Variants in GMPS observed in about 807,000 individuals in gnomAD.
GMPS encodes the protein guanosine monophosphate synthase.
In GMPS, 15 loss-of-function variants were observed where a neutral mutation model predicts 77.9. The observed-to-expected ratio is 0.19, with a 90% confidence interval of 0.13 to 0.30. The LOEUF is 0.30. GMPS is among the 10% of genes least tolerant of loss of function. The pLI, the probability that GMPS is intolerant of heterozygous loss-of-function variation, is 1.00. For missense variants in GMPS, 590 were observed against 838.8 expected, an observed-to-expected ratio of 0.70 and a Z score of 3.66; for synonymous variants, 224 against 275.9, an observed-to-expected ratio of 0.81 and a Z score of 1.86.
chr3:155,918,661 T>C (rs996562722), intron 9 of GMPS, among the ~76,000 whole-genome samples: 2 of 152,220 alleles, frequency 1.3e-5, no homozygotes, highest in Non-Finnish European at 1.5e-5. Flanking sequence ...TAAGTGTAGG[T>C]TTGTTACATA....
chr3:155,877,142 A>C (rs186314623), intron 1 of GMPS, among the ~76,000 whole-genome samples: 7 of 152,304 alleles, frequency 4.6e-5, no homozygotes, highest in Admixed American at 3.3e-4. Context: ...CAGATTTCTA[A>C]AATTCTGCTT....
Position 155,903,967 on chromosome 3 carries a change from C to G in GMPS, c.422+7C>G. 1 of 1,089,994 alleles carries G rather than the reference C, an allele frequency of 9.2e-7. No individual in the cohort carries two copies. Among genetic ancestry groups the G allele is most frequent in the Non-Finnish European group, 1.3e-6 (1 of 746,728 alleles). The allele number at this position is 1,089,994 out of a possible 1,614,324, so 67.5% of individuals were successfully genotyped here. ...ATACATGTTCATTATTCAGGTATTA[C>G]ATTTTTAGATGAATAAGAACAATAG... On this transcript the variant is annotated splice_region_variant and intron_variant, in intron 4 of 15. Transcript: ENST00000496455.
Position 155,927,840 on chromosome 3 carries a change from GT to G in GMPS, c.1560+2475del, listed in dbSNP as rs371991205. 4.4e-3 allele frequency among the ~76,000 whole-genome samples: 666 copies of G among 152,076 alleles called. 3 individuals carry two copies. Among genetic ancestry groups the G allele is most frequent in the Admixed American group, 8.3e-3 (127 of 15,274 alleles). Reference sequence around the variant, plus strand: ...CTGAACATCATGAACTTACCTTTCTGTGCCTTTCCAAGTAGATGGTTCTTAA... The same window carrying G: ...CTGAACATCATGAACTTACCTTTCTGGCCTTTCCAAGTAGATGGTTCTTAA... On this transcript the variant is annotated intron_variant, in intron 12 of 15. Coordinates refer to ENST00000496455, the MANE Select transcript of GMPS (RefSeq NM_003875.3).
chr3:155,939,902 A>G lies in GMPS; in HGVS notation c.*2210A>G, dbSNP rs1191131611. On this transcript the variant is annotated 3_prime_UTR_variant, in exon 16 of 16. Coordinates refer to ENST00000496455, the MANE Select transcript of GMPS (RefSeq NM_003875.3). Reference sequence around the variant, plus strand: ...GTTAAAGGTTGCACTTCCATTTTACAGTTAAGAAAACAAGCTCACCTTAGG... The same window carrying G: ...GTTAAAGGTTGCACTTCCATTTTACGGTTAAGAAAACAAGCTCACCTTAGG... 1 of 202,128 alleles carries G rather than the reference A, an allele frequency of 4.9e-6. No individual in the cohort carries two copies. The highest frequency in any genetic ancestry group is 7.6e-5 in the East Asian group (1 of 13,106). 12.5% of individuals were successfully genotyped at this position (202,128 alleles called of 1,614,324 possible). A position where few individuals can be genotyped will look rare whatever the true frequency, so the allele number is the denominator to read the frequency against.
intron 8 of GMPS, among the ~76,000 whole-genome samples, chr3:155,915,243 T>G (rs1755145389): frequency 6.6e-6 from 1 of 151,424 alleles, no homozygotes; most frequent in African/African-American, 2.4e-5. Context: ...TTTTTGTTTT[T>G]TTTTTTTTTT....
At chr3:155,893,132 C>G (rs917581446) in intron 1 of GMPS, among the ~76,000 whole-genome samples, 1 of 152,168 alleles carries the variant, frequency 6.6e-6, no homozygotes, top group Non-Finnish European at 1.5e-5. Flanking sequence ...ATTGTCCAAA[C>G]TGGGACACTT....
chr3:155,918,780 T>C (rs571152756), intron 9 of GMPS, among the ~76,000 whole-genome samples: 1 of 152,326 alleles, frequency 6.6e-6, no homozygotes, highest in African/African-American at 2.4e-5. Context: ...TTTATTTTTT[T>C]ATTATTGAGT....
intron 9 of GMPS, 133 bp downstream of exon 9, chr3:155,916,325 T>C (rs1755178519): frequency 1.5e-6 from 1 of 651,428 alleles, no homozygotes; most frequent in Non-Finnish European, 2.6e-6. Flanking sequence ...TTCCTTACCC[T>C]AAAAAGGAAC....
chr3:155,871,123 G>A (rs569659156), intron 1 of GMPS, among the ~76,000 whole-genome samples: 3 of 152,122 alleles, frequency 2.0e-5, no homozygotes, highest in South Asian at 4.1e-4. Flanking sequence ...AGGTCCGGGC[G>A]TCGGGGAGGG....
At chr3:155,896,961 G>T (rs891112368) in intron 2 of GMPS, among the ~76,000 whole-genome samples, 11 of 152,066 alleles carry the variant, frequency 7.2e-5, no homozygotes, top group African/African-American at 2.7e-4. Flanking sequence ...GAGTTAGAGA[G>T]TACCTTAAAT....
Position 155,941,992 on chromosome 3 carries a change from G to T in GMPS, c.*4300G>T, listed in dbSNP as rs959484702. On this transcript the variant is annotated 3_prime_UTR_variant, in exon 16 of 16. Transcript: ENST00000496455. ...TTGTCAGTGTTCCTCAACACTGGAT[G>T]CGTATTATTACATAACCTGAGGAGT... 1.6e-4 allele frequency: 34 copies of T among 209,718 alleles called. No individual in the cohort carries two copies. Among genetic ancestry groups the T allele is most frequent in the African/African-American group, 7.3e-4 (32 of 44,012 alleles). 13.0% of individuals were successfully genotyped at this position (209,718 alleles called of 1,614,324 possible). A position where few individuals can be genotyped will look rare whatever the true frequency, so the allele number is the denominator to read the frequency against.
intron 10 of GMPS, among the ~76,000 whole-genome samples, chr3:155,921,013 A>C (rs546277240): frequency 4.6e-5 from 7 of 152,212 alleles, no homozygotes; most frequent in Non-Finnish European, 1.0e-4. Flanking sequence ...AGGCCTAGGC[A>C]GGCAGATCAC....
chr3:155,876,340 C>G (rs561030287), intron 1 of GMPS, among the ~76,000 whole-genome samples: 8 of 152,244 alleles, frequency 5.3e-5, no homozygotes, highest in African/African-American at 1.9e-4. Flanking sequence ...TCCTTAATTG[C>G]CTGTGTCCAA....
chr3:155,881,782 G>A (rs543398532), intron 1 of GMPS, among the ~76,000 whole-genome samples: 13 of 152,226 alleles, frequency 8.5e-5, no homozygotes, highest in Non-Finnish European at 1.5e-4. Context: ...ACTGCTTAAA[G>A]CAGCAGGGCC....
rs769843774 is a variant in GMPS at position 155,937,627 on chromosome 3, C to G, written c.2017C>G (p.Pro673Ala). The G allele has an allele frequency of 6.6e-7, 1 of 1,508,776 alleles. No individual in the cohort carries two copies. The highest frequency in any genetic ancestry group is 9.2e-7 in the Non-Finnish European group (1 of 1,085,470). 93.5% of individuals were successfully genotyped at this position (1,508,776 alleles called of 1,614,324 possible). A position where few individuals can be genotyped will look rare whatever the true frequency, so the allele number is the denominator to read the frequency against. Residue 673 changes from proline to alanine, a missense_variant, in exon 16 of 16, where the codon CCT (proline) becomes GCT (alanine). By Grantham distance (27) the Pro-to-Ala change is conservative (BLOSUM62 -1). Coordinates refer to ENST00000496455, the MANE Select transcript of GMPS (RefSeq NM_003875.3). ...GATGGTCACTGAGATTAAGAAGATT[C>G]CTGGTATTTCTCGAATTATGTATGA... ...LKMVTEIKKI[P>A]GISRIMYDLT...
At position 155,940,901 on chromosome 3, in the gene GMPS, C is replaced by T. The variant is rs942063032; in HGVS notation, c.*3209C>T. Reference sequence around the variant, plus strand: ...CTGCTGTGAGATGACACTTGAAAAACACCCATCAAAGTTTTCCTGGTAGGA... The same window carrying T: ...CTGCTGTGAGATGACACTTGAAAAATACCCATCAAAGTTTTCCTGGTAGGA... On this transcript the variant is annotated 3_prime_UTR_variant, in exon 16 of 16. Coordinates refer to ENST00000496455, the MANE Select transcript of GMPS (RefSeq NM_003875.3). The T allele has an allele frequency of 4.6e-6, 1 of 215,550 alleles. No homozygotes were observed. The highest frequency in any genetic ancestry group is 2.3e-5 in the African/African-American group (1 of 44,358). 13.4% of individuals were successfully genotyped at this position (215,550 alleles called of 1,614,324 possible).
At chr3:155,889,857 C>T (rs1445942392) in intron 1 of GMPS, among the ~76,000 whole-genome samples, 1 of 152,114 alleles carries the variant, frequency 6.6e-6, no homozygotes, top group Non-Finnish European at 1.5e-5. Context: ...GGATATTCAC[C>T]TTAAGTCTTT....
rs181480483 is a variant in GMPS, at chr3:155,910,645, T to G, written c.527-47T>G. The G allele has an allele frequency of 2.8e-3, 2,674 of 953,386 alleles. 5 individuals carry two copies. The highest frequency in any genetic ancestry group is 3.5e-3 in the Non-Finnish European group (2,290 of 645,398). 59.1% of individuals were successfully genotyped at this position (953,386 alleles called of 1,614,324 possible). On this transcript the variant is annotated intron_variant, in intron 5 of 15. Transcript: ENST00000496455. ...ATTAATTGTGGTTATTGCTTGAGTC[T>G]TTTCAGCATGAAAAAATTTTAATTT...
chr3:155,883,923 T>G (rs779051938), intron 1 of GMPS, among the ~76,000 whole-genome samples: 3 of 152,136 alleles, frequency 2.0e-5, no homozygotes, highest in Non-Finnish European at 2.9e-5. Flanking sequence ...GTTGCCAGCT[T>G]TAGGAAACAA....
Sources: allele counts gnomAD v4.1 joint callset (sites outside exome capture counted in the v4.1 genomes callset), GRCh38; gene constraint gnomAD v4.1.1; transcripts MANE v1.5; gene names NCBI Gene and HGNC (gene_info 2026-07-23, HGNC 2026-07-21).